The following FOXP2 variants were observed in gnomAD, a reference collection of about 807,000 sequenced individuals.
The protein encoded by FOXP2 is forkhead box protein P2.
In FOXP2, 12 loss-of-function variants were observed where a neutral mutation model predicts 115.8. That is an observed-to-expected ratio of 0.10 (90% CI 0.07 to 0.17). The LOEUF (loss-of-function observed/expected upper bound fraction) is 0.17. FOXP2 is among the 10% of genes least tolerant of loss of function. FOXP2 has a pLI of 1.00. For synonymous variants in FOXP2, 328 were observed against 297.7 expected (o/e 1.10, Z -1.05); for missense variants, 629 against 843.5 (o/e 0.75, Z 3.15).
At chr7:114,333,651 CT>C (rs996632111) in intron 2 of FOXP2, among the ~76,000 whole-genome samples, 2 of 152,082 alleles carry the variant, frequency 1.3e-5, no homozygotes, top group Admixed American at 6.5e-5. Flanking sequence ...CGTTGGAAGG[CT>C]AAGGTGGGCA....
chr7:114,232,995 G>A (rs1378702354), intron 1 of FOXP2, among the ~76,000 whole-genome samples: 1 of 152,142 alleles, frequency 6.6e-6, no homozygotes, highest in Non-Finnish European at 1.5e-5. Context: ...ATAGCATGGT[G>A]GGTGCAGGAG....
At chr7:114,590,620 C>A (rs969005349) in intron 3 of FOXP2, among the ~76,000 whole-genome samples, 1 of 152,138 alleles carries the variant, frequency 6.6e-6, no homozygotes, top group African/African-American at 2.4e-5. Context: ...CATTTATGAA[C>A]TTTTAGGTCC....
At chr7:114,529,468 C>T (rs1279224276) in intron 2 of FOXP2, among the ~76,000 whole-genome samples, 5 of 151,590 alleles carry the variant, frequency 3.3e-5, no homozygotes, top group Non-Finnish European at 5.9e-5. Flanking sequence ...AGTAATTACT[C>T]TTATTAAAGT....
At chr7:114,277,771 G>A (rs1796224518) in intron 1 of FOXP2, among the ~76,000 whole-genome samples, 1 of 151,822 alleles carries the variant, frequency 6.6e-6, no homozygotes, top group East Asian at 1.9e-4. Flanking sequence ...TAAAAAAGCA[G>A]AAAGAGGCGG....
chr7:114,458,076 A>G (rs1290885318), intron 2 of FOXP2, among the ~76,000 whole-genome samples: 1 of 152,192 alleles, frequency 6.6e-6, no homozygotes, highest in Non-Finnish European at 1.5e-5. Flanking sequence ...AGGAAAATAA[A>G]TCCAGAACAA....
chr7:114,110,206 C>A (rs1791232808), intron 1 of FOXP2, among the ~76,000 whole-genome samples: 2 of 152,090 alleles, frequency 1.3e-5, no homozygotes, highest in Admixed American at 1.3e-4. Context: ...TCCAGAGGGA[C>A]CCACCTTATC....
At chr7:114,652,075 G>A in intron 8 of FOXP2, 128 bp from the exon 9 acceptor site, 1 of 822,956 alleles carries the variant, frequency 1.2e-6, no homozygotes, top group South Asian at 1.4e-5. Context: ...TATCTGTATG[G>A]TTTCAAGGCT....
intron 1 of FOXP2, among the ~76,000 whole-genome samples, chr7:114,282,197 A>G (rs1307592459): frequency 1.3e-5 from 2 of 152,196 alleles, no homozygotes; most frequent in Admixed American, 1.3e-4. Flanking sequence ...ATATGTTTAG[A>G]TCTGCGTCAT....
At chr7:114,100,709 T>C (rs1790921772) in intron 1 of FOXP2, among the ~76,000 whole-genome samples, 1 of 152,208 alleles carries the variant, frequency 6.6e-6, no homozygotes, top group South Asian at 2.1e-4. Flanking sequence ...TTTTCATTTC[T>C]AGTAAGGGTG....
intron 2 of FOXP2, among the ~76,000 whole-genome samples, chr7:114,334,942 T>A (rs1797810938): frequency 6.9e-6 from 1 of 144,566 alleles, no homozygotes; most frequent in Non-Finnish European, 1.5e-5. Context: ...TATATATATA[T>A]ATATATATAT....
At chr7:114,597,169 A>C (rs1802768482) in intron 3 of FOXP2, among the ~76,000 whole-genome samples, 1 of 152,112 alleles carries the variant, frequency 6.6e-6, no homozygotes, top group African/African-American at 2.4e-5. Flanking sequence ...AAAAACAGTC[A>C]GCTTATTATA....
chr7:114,531,486 A>T (rs1027906387), intron 2 of FOXP2, among the ~76,000 whole-genome samples: 3 of 151,862 alleles, frequency 2.0e-5, no homozygotes, highest in African/African-American at 7.2e-5. Context: ...CTAAAGTGTT[A>T]TCCAGAATAC....
chr7:114,307,407 A>C (rs74904639), intron 2 of FOXP2, among the ~76,000 whole-genome samples: 3,508 of 152,226 alleles, frequency 0.023, 88 homozygotes, highest in African/African-American at 0.055. Context: ...AGTTAATGAC[A>C]TGCACAATGG....
intron 1 of FOXP2, among the ~76,000 whole-genome samples, chr7:114,232,609 T>A (rs1794909668): frequency 6.6e-6 from 1 of 151,756 alleles, no homozygotes; most frequent in South Asian, 2.1e-4. Flanking sequence ...AGGTCAGGAG[T>A]TCGAGACCAG....
intron 2 of FOXP2, among the ~76,000 whole-genome samples, chr7:114,354,627 A>C (rs1021072725): frequency 2.0e-5 from 3 of 152,044 alleles, no homozygotes; most frequent in Non-Finnish European, 4.4e-5. Context: ...GATCCTGAAA[A>C]TGTCATCTCA....
At position 114,237,750 on chromosome 7, in the gene FOXP2, G is replaced by A. The variant is rs570989676; in HGVS notation, c.-101-50269G>A. On this transcript the variant is annotated intron_variant, in intron 1 of 17. Transcript: ENST00000634411. ...GCACTTTGGGAGACTGAGGCAAGCG[G>A]ATTACTTGAGGCCAAGAGTTTGAGA... 8.7e-4 allele frequency among the ~76,000 whole-genome samples: 132 copies of A among 152,108 alleles called. 2 individuals are homozygous for A. The South Asian group carries it at 0.012, about 14-fold the overall frequency.
intron 3 of FOXP2, among the ~76,000 whole-genome samples, chr7:114,536,229 C>T (rs1239101039): frequency 6.6e-6 from 1 of 151,300 alleles, no homozygotes; most frequent in Non-Finnish European, 1.5e-5. Flanking sequence ...TTTTGAGTGT[C>T]TAAAAAACAC....
intron 1 of FOXP2, among the ~76,000 whole-genome samples, chr7:114,183,823 C>T (rs979947813): frequency 1.3e-5 from 2 of 152,034 alleles, no homozygotes; most frequent in Admixed American, 6.6e-5. Flanking sequence ...TACGAAAACC[C>T]CCCAAAGCCT....
At chr7:114,431,889 T>C (rs1268157890) in intron 2 of FOXP2, among the ~76,000 whole-genome samples, 1 of 151,942 alleles carries the variant, frequency 6.6e-6, no homozygotes. Context: ...TACAGTTCAA[T>C]ATCAGTATAC....
Sources: allele counts gnomAD v4.1 joint callset (sites outside exome capture counted in the v4.1 genomes callset), GRCh38; gene constraint gnomAD v4.1.1; transcripts MANE v1.5; gene names NCBI Gene and HGNC (gene_info 2026-07-23, HGNC 2026-07-21).